The following FHIT variants were observed in gnomAD, a reference collection of about 807,000 sequenced individuals.
The protein encoded by FHIT is bis(5'-adenosyl)-triphosphatase.
FHIT carries 19 observed loss-of-function variants against 17.9 expected under a neutral mutation model. The observed-to-expected ratio is 1.06, with a 90% CI of 0.74 to 1.56. The LOEUF (loss-of-function observed/expected upper bound fraction) is 1.56. FHIT is among the 40% of genes most tolerant of loss of function. The pLI, the probability that FHIT is intolerant of heterozygous loss-of-function variation, is 0.00. For missense variants in FHIT, 248 were observed against 189.2 expected (o/e 1.31, Z -1.82); for synonymous variants, 81 against 69.7 (o/e 1.16, Z -0.81).
At chr3:60,374,928 G>A (rs553780086) in intron 5 of FHIT, among the ~76,000 whole-genome samples, 8 of 152,094 alleles carry the variant, frequency 5.3e-5, no homozygotes, top group Non-Finnish European at 7.4e-5. Flanking sequence ...TTAAGAATAA[G>A]AAACAGGCCA....
At chr3:60,236,809 T>C (rs1204422346) in intron 5 of FHIT, among the ~76,000 whole-genome samples, 2 of 152,172 alleles carry the variant, frequency 1.3e-5, no homozygotes, top group Non-Finnish European at 2.9e-5. Flanking sequence ...TTTAATCCAC[T>C]TTCCTCCCCA....
chr3:59,830,954 C>A (rs1701143679), intron 8 of FHIT, among the ~76,000 whole-genome samples: 1 of 152,242 alleles, frequency 6.6e-6, no homozygotes. Context: ...GATGGGGTTG[C>A]TGGTATTTAA....
intron 8 of FHIT, among the ~76,000 whole-genome samples, chr3:59,833,900 C>T (rs1330369929): frequency 2.6e-5 from 4 of 152,164 alleles, no homozygotes; most frequent in African/African-American, 4.8e-5. Context: ...GCTCTCTCTC[C>T]TGCCACCTTG....
intron 3 of FHIT, among the ~76,000 whole-genome samples, chr3:60,932,543 A>G (rs1213661688): frequency 6.6e-6 from 1 of 152,190 alleles, no homozygotes; most frequent in Non-Finnish European, 1.5e-5. Context: ...CTCACACTGC[A>G]CAACTGAGAC....
intron 5 of FHIT, among the ~76,000 whole-genome samples, chr3:60,112,582 G>C (rs2361337): frequency 0.93 from 142,265 of 152,278 alleles, 66,496 homozygotes; most frequent in East Asian, 0.97. Context: ...GCCTCCACAT[G>C]GCTTTCACCT....
At chr3:61,217,008 G>A (rs543174403) in intron 1 of FHIT, among the ~76,000 whole-genome samples, 4 of 148,384 alleles carry the variant, frequency 2.7e-5, no homozygotes, top group South Asian at 2.2e-4. Context: ...GTAGGGGGAG[G>A]GGGGAGGGAT....
intron 2 of FHIT, among the ~76,000 whole-genome samples, chr3:61,128,558 G>A (rs2036675839): frequency 6.6e-6 from 1 of 152,010 alleles, no homozygotes; most frequent in Non-Finnish European, 1.5e-5. Context: ...CATCCACAGG[G>A]GTTATATGTG....
At chr3:60,482,461 C>A (rs746334027) in intron 5 of FHIT, among the ~76,000 whole-genome samples, 2 of 152,062 alleles carry the variant, frequency 1.3e-5, no homozygotes, top group Non-Finnish European at 2.9e-5. Context: ...TGCAAAAGAA[C>A]TGAAATCATA....
At position 60,516,486 on chromosome 3, in the gene FHIT, C is replaced by T. The variant is rs1047802328; in HGVS notation, c.103+20374G>A. On this transcript the variant is annotated intron_variant, in intron 5 of 9. Transcript: ENST00000492590. ...TTCTGCAAAGGTCTTGGGGACCTTC[C>T]GGGGCCCCAGGACCACTGGTCTAGA... Among the ~76,000 whole-genome samples, 4 of 152,050 alleles carry T rather than the reference C, an allele frequency of 2.6e-5. No homozygotes were observed. The East Asian group carries it at 5.8e-4, about 22-fold the overall frequency.
At chr3:60,076,299 G>A (rs13100563) in intron 5 of FHIT, among the ~76,000 whole-genome samples, 17,115 of 151,956 alleles carry the variant, frequency 0.11, 1,066 homozygotes, top group African/African-American at 0.14. Context: ...ATCAAGTGTC[G>A]TAAATATTCT....
chr3:59,936,561 C>A (rs1706251168), intron 7 of FHIT, among the ~76,000 whole-genome samples: 1 of 152,162 alleles, frequency 6.6e-6, no homozygotes, highest in South Asian at 2.1e-4. Context: ...CGAGGCAGCT[C>A]TGTGGCTTTT....
chr3:60,619,600 CAAAAAAAAAAAAAAA>C (rs57198487), intron 4 of FHIT, among the ~76,000 whole-genome samples: 2 of 88,688 alleles, frequency 2.3e-5, no homozygotes. Flanking sequence ...TACCCACATG[CAAAAAAAAAAAAAAA>C]AAAAAAAAAA....
intron 2 of FHIT, among the ~76,000 whole-genome samples, chr3:61,122,278 G>A (rs1410101488): frequency 6.6e-6 from 1 of 152,168 alleles, no homozygotes; most frequent in Non-Finnish European, 1.5e-5. Flanking sequence ...TTAATAAATG[G>A]TGTTGGAAAA....
intron 3 of FHIT, among the ~76,000 whole-genome samples, chr3:60,823,317 G>A (rs937514995): frequency 1.3e-5 from 2 of 152,076 alleles, no homozygotes; most frequent in East Asian, 1.9e-4. Flanking sequence ...CTCCCCATCA[G>A]GAAAAAAGAT....
chr3:59,912,751 T>C (rs866752079), intron 8 of FHIT, among the ~76,000 whole-genome samples: 2 of 152,238 alleles, frequency 1.3e-5, no homozygotes, highest in African/African-American at 4.8e-5. Flanking sequence ...ATGAGTTCCT[T>C]AGTTACCACT....
intron 5 of FHIT, among the ~76,000 whole-genome samples, chr3:60,164,236 G>C (rs190596099): frequency 9.6e-4 from 146 of 152,268 alleles, no homozygotes; most frequent in African/African-American, 3.4e-3. Context: ...CACATCAGCA[G>C]AACTTTCTGC....
At chr3:60,902,346 T>A (rs1706161423) in intron 3 of FHIT, among the ~76,000 whole-genome samples, 1 of 152,242 alleles carries the variant, frequency 6.6e-6, no homozygotes, top group Non-Finnish European at 1.5e-5. Flanking sequence ...TTTTTATTGC[T>A]GAATGGCATC....
At chr3:59,818,239 C>T (rs894360076) in intron 8 of FHIT, among the ~76,000 whole-genome samples, 1 of 152,148 alleles carries the variant, frequency 6.6e-6, no homozygotes, top group Non-Finnish European at 1.5e-5. Flanking sequence ...AGCCCACCTC[C>T]CCTCGGCCCA....
chr3:59,868,047 T>TTTA (rs397964099), intron 8 of FHIT, among the ~76,000 whole-genome samples: 2,286 of 111,244 alleles, frequency 0.021, 44 homozygotes, highest in African/African-American at 0.055. Context: ...TTTTTTTTTT[T>TTTA]AAAAAAAAAA....
Sources: gnomAD v4.1 joint callset for allele counts (sites outside exome capture counted in the v4.1 genomes callset) on GRCh38, gnomAD v4.1.1 for gene constraint, MANE v1.5 for transcripts, NCBI Gene and HGNC (gene_info 2026-07-23, HGNC 2026-07-21) for gene names.